The following TENM4 variants were observed in gnomAD, a reference collection of about 807,000 sequenced individuals.
TENM4 encodes the protein teneurin transmembrane protein 4, also known as teneurin-4.
In TENM4, 82 loss-of-function variants were observed where a neutral mutation model predicts 243.3. The ratio of observed to expected loss-of-function variants is 0.34; its 90% CI spans 0.28 to 0.40. The LOEUF is 0.40. TENM4 is among the 10% of genes least tolerant of loss of function. The pLI is 1.00. For synonymous variants in TENM4, 1,412 were observed against 1,456.3 expected (o/e 0.97, Z 0.69); for missense variants, 3,138 against 3,673.3 (o/e 0.85, Z 3.77).
chr11:78,886,379 C>G (rs988183675), intron 9 of TENM4, among the ~76,000 whole-genome samples: 4 of 152,172 alleles, frequency 2.6e-5, no homozygotes, highest in Admixed American at 2.0e-4. Context: ...GTCGTCACAG[C>G]CTGTAATTAT....
chr11:79,398,960 G>C (rs1357599034), intron 1 of TENM4, among the ~76,000 whole-genome samples: 1 of 151,970 alleles, frequency 6.6e-6, no homozygotes, highest in Non-Finnish European at 1.5e-5. Flanking sequence ...CAAGCAGAAG[G>C]AACAGCACAG....
intron 6 of TENM4, 25 bp from the exon 7 acceptor site, chr11:78,903,548 C>T: frequency 9.1e-6 from 14 of 1,542,520 alleles, no homozygotes; most frequent in South Asian, 1.2e-5. Flanking sequence ...TGGCGGTCAG[C>T]GGCGGTGAGC....
chr11:78,921,383 G>C (rs1856443739), intron 6 of TENM4, among the ~76,000 whole-genome samples: 2 of 152,230 alleles, frequency 1.3e-5, no homozygotes, highest in African/African-American at 4.8e-5. Context: ...AAGGGAACTT[G>C]AGAAATACAA....
intron 6 of TENM4, among the ~76,000 whole-genome samples, chr11:79,019,403 C>T (rs946855140): frequency 2.8e-4 from 43 of 152,160 alleles, no homozygotes; most frequent in Non-Finnish European, 1.3e-4. Flanking sequence ...AGCCCATCCT[C>T]TCCAAAGCCC....
At chr11:78,785,669 C>CATG (rs1856920729) in intron 16 of TENM4, among the ~76,000 whole-genome samples, 1 of 152,078 alleles carries the variant, frequency 6.6e-6, no homozygotes, top group South Asian at 2.1e-4. Flanking sequence ...AATCAGAAGC[C>CATG]ATTATTATTA....
intron 19 of TENM4, among the ~76,000 whole-genome samples, chr11:78,751,597 G>A (rs544138695): frequency 1.4e-4 from 22 of 152,192 alleles, no homozygotes; most frequent in African/African-American, 4.6e-4. Context: ...GGGGTGGTTC[G>A]TCAGAACCTC....
chr11:78,883,084 A>G (rs914626905), intron 9 of TENM4, among the ~76,000 whole-genome samples: 1 of 152,256 alleles, frequency 6.6e-6, no homozygotes, highest in African/African-American at 2.4e-5. Context: ...AGGACCTTAC[A>G]GGACAATCCA....
At chr11:79,040,490 C>T (rs953447906) in intron 6 of TENM4, among the ~76,000 whole-genome samples, 3 of 152,226 alleles carry the variant, frequency 2.0e-5, no homozygotes, top group African/African-American at 7.2e-5. Flanking sequence ...GTCTGCTTGG[C>T]TGAAGTCTGG....
At chr11:79,331,670 G>A (rs147821681) in intron 1 of TENM4, among the ~76,000 whole-genome samples, 12 of 152,272 alleles carry the variant, frequency 7.9e-5, no homozygotes, top group Admixed American at 5.2e-4. Flanking sequence ...TTATACAAAC[G>A]TAAGTGACAC....
intron 2 of TENM4, among the ~76,000 whole-genome samples, chr11:79,225,033 C>T (rs1163194186): frequency 3.3e-5 from 5 of 152,034 alleles, no homozygotes; most frequent in Admixed American, 1.3e-4. Flanking sequence ...ATGGGATTCA[C>T]GCTGTCCCAA....
intron 16 of TENM4, among the ~76,000 whole-genome samples, chr11:78,779,643 C>G (rs1267490088): frequency 6.6e-6 from 1 of 152,212 alleles, no homozygotes; most frequent in Non-Finnish European, 1.5e-5. Flanking sequence ...TTCTCTTTCT[C>G]TGTCTCTCCA....
chr11:78,836,404 T>C (rs1370694238), intron 12 of TENM4, among the ~76,000 whole-genome samples: 1 of 152,224 alleles, frequency 6.6e-6, no homozygotes, highest in Admixed American at 6.5e-5. Context: ...GCCTTAATTT[T>C]TCTGAAACTC....
chr11:79,232,251 GC>G (rs1378865555), intron 2 of TENM4, among the ~76,000 whole-genome samples: 1 of 152,188 alleles, frequency 6.6e-6, no homozygotes, highest in Non-Finnish European at 1.5e-5. Flanking sequence ...TGTGTAAGGG[GC>G]CCTGAAGTGA....
chr11:78,794,199 G>A (rs747117853), intron 15 of TENM4, among the ~76,000 whole-genome samples: 1 of 152,160 alleles, frequency 6.6e-6, no homozygotes, highest in Non-Finnish European at 1.5e-5. Flanking sequence ...GGGAAAGGAG[G>A]GGTTGAAGAT....
chr11:78,670,460 G>T lies in TENM4; in HGVS notation c.5885C>A (p.Ala1962Glu). The T allele has an allele frequency of 6.2e-7, 1 of 1,613,978 alleles. No homozygotes were observed. The highest frequency in any genetic ancestry group is 8.5e-7 in the Non-Finnish European group (1 of 1,179,902). ...RLSSVTMPNV[A>E]RQTLETIRSV... ...GCGGATGGTCTCTAGTGTCTGCCGC[G>T]CCACGTTGGGCATCGTCACAGAAGA... Residue 1962 changes from alanine (A) to glutamate (E), a missense_variant, in exon 32 of 34, where the codon GCG becomes GAG. By Grantham distance (107) the Ala-to-Glu change is moderately radical. Around this residue, in one of 2 missense-constraint regions of TENM4, gnomAD observed 2,467 missense variants for 3,059.1 expected, o/e 0.81. Coordinates refer to ENST00000278550, the MANE Select transcript of TENM4 (RefSeq NM_001098816.3).
At chr11:78,686,945 C>T (rs565084403) in intron 29 of TENM4, among the ~76,000 whole-genome samples, 28 of 152,204 alleles carry the variant, frequency 1.8e-4, no homozygotes, top group Non-Finnish European at 3.8e-4. Context: ...GTAAGTTAAA[C>T]TGCTTGCTAA....
chr11:78,887,713 G>A (rs141379478), intron 9 of TENM4, among the ~76,000 whole-genome samples: 1 of 152,114 alleles, frequency 6.6e-6, no homozygotes, highest in Non-Finnish European at 1.5e-5. Context: ...TCCCACAGTT[G>A]CCCCTATCTT....
intron 3 of TENM4, among the ~76,000 whole-genome samples, chr11:79,196,228 C>T (rs562792935): frequency 1.2e-4 from 19 of 152,126 alleles, no homozygotes; most frequent in Middle Eastern, 3.4e-3. Context: ...GAGGGCATCT[C>T]GCAAGCCTGG....
intron 23 of TENM4, among the ~76,000 whole-genome samples, chr11:78,724,771 A>G (rs1183090939): frequency 6.6e-6 from 1 of 152,256 alleles, no homozygotes; most frequent in Non-Finnish European, 1.5e-5. Flanking sequence ...GCATGTAAGT[A>G]AAAGTGATAT....
Sources: allele counts gnomAD v4.1 joint callset (sites outside exome capture counted in the v4.1 genomes callset), GRCh38; gene constraint gnomAD v4.1.1; regional missense constraint gnomAD v4.1.1; transcripts MANE v1.5; gene names NCBI Gene and HGNC (gene_info 2026-07-23, HGNC 2026-07-21).